Variants in TTLL5 observed in about 807,000 individuals in gnomAD.
TTLL5 encodes tubulin tyrosine ligase like 5.
A neutral mutation model predicts 168.4 loss-of-function variants in TTLL5; 132 were observed. The observed-to-expected ratio is 0.78, with a 90% CI of 0.68 to 0.91. The LOEUF (loss-of-function observed/expected upper bound fraction) is 0.91. Ranked by LOEUF, TTLL5 falls within the 40% of genes least tolerant of loss-of-function variation. The probability of loss-of-function intolerance (pLI) is 0.00; values close to 1 mark genes in which losing one functional copy is unlikely to be tolerated. For missense variants in TTLL5, 1,545 were observed against 1,581.5 expected (o/e 0.98, Z 0.39); for synonymous variants, 546 against 558.6 (o/e 0.98, Z 0.32).
intron 9 of TTLL5, among the ~76,000 whole-genome samples, chr14:75,717,545 A>G (rs960784063): frequency 1.1e-4 from 16 of 152,198 alleles, no homozygotes; most frequent in Admixed American, 9.8e-4. Flanking sequence ...AAGAGAAGCA[A>G]TGTCTTGTTG....
At chr14:75,838,398 G>GAA (rs527691658) in intron 28 of TTLL5, 4 of 139,110 alleles carry the variant, frequency 2.9e-5, no homozygotes, top group African/African-American at 5.3e-5. Flanking sequence ...ACTAAAAATA[G>GAA]AAAAAAAAAA....
intron 9 of TTLL5, chr14:75,711,913 CA>C (rs1222344229): frequency 6.6e-6 from 1 of 152,318 alleles, no homozygotes; most frequent in Non-Finnish European, 1.5e-5. Context: ...GATTACCTCA[CA>C]GGCTGCACAC....
intron 6 of TTLL5, among the ~76,000 whole-genome samples, chr14:75,695,760 G>A (rs1885795012): frequency 6.6e-6 from 1 of 151,892 alleles, no homozygotes; most frequent in African/African-American, 2.4e-5. Flanking sequence ...ACAAAGTAGA[G>A]GGTACTGTCT....
At chr14:75,743,363 A>G (rs1182175223) in intron 15 of TTLL5, among the ~76,000 whole-genome samples, 1 of 152,178 alleles carries the variant, frequency 6.6e-6, no homozygotes, top group Non-Finnish European at 1.5e-5. Context: ...ACAAAATGCC[A>G]TAGGCTGGGT....
intron 27 of TTLL5, 90 bp from the exon 28 acceptor site, chr14:75,819,917 T>C: frequency 7.1e-7 from 1 of 1,414,074 alleles, no homozygotes; most frequent in Non-Finnish European, 9.5e-7. Context: ...TCAGCATCTG[T>C]TGGCCTTGAC....
chr14:75,752,240 G>A (rs1393439773), intron 17 of TTLL5, among the ~76,000 whole-genome samples: 1 of 152,186 alleles, frequency 6.6e-6, no homozygotes, highest in Non-Finnish European at 1.5e-5. Flanking sequence ...GTAGGCCTCA[G>A]CCTCATTTTA....
chr14:75,792,897 C>G lies in TTLL5; in HGVS notation c.2987-19C>G. The G allele has an allele frequency of 6.6e-7, 1 of 1,514,860 alleles. No individual in the cohort carries two copies. Among genetic ancestry groups the G allele is most frequent in the Non-Finnish European group, 8.9e-7 (1 of 1,124,042 alleles). The allele number at this position is 1,514,860 out of a possible 1,614,324, so 93.8% of individuals were successfully genotyped here. On this transcript the variant is annotated intron_variant, in intron 26 of 31. Coordinates refer to ENST00000298832, the MANE Select transcript of TTLL5 (RefSeq NM_015072.5). The stretch of plus-strand genomic sequence containing the variant: ...CCTTTTTTTCCTAAATGAGTGAAAA[C>G]TTTTCTCCGTTTTAGCAGGATCGTG...
chr14:75,691,521 G>A (rs1566816076), intron 6 of TTLL5, among the ~76,000 whole-genome samples: 1 of 152,232 alleles, frequency 6.6e-6, no homozygotes, highest in Non-Finnish European at 1.5e-5. Flanking sequence ...CTTTCCATGA[G>A]TTATGCAGCT....
intron 28 of TTLL5, among the ~76,000 whole-genome samples, chr14:75,841,989 T>C (rs971632264): frequency 2.6e-5 from 4 of 152,258 alleles, no homozygotes; most frequent in Non-Finnish European, 5.9e-5. Context: ...TTTGAAAGTA[T>C]GAATGTGCCA....
At chr14:75,681,930 C>T (rs1253557994) in intron 4 of TTLL5, among the ~76,000 whole-genome samples, 2 of 151,992 alleles carry the variant, frequency 1.3e-5, no homozygotes, top group Non-Finnish European at 2.9e-5. Context: ...TGATTGCAGG[C>T]AACTGAACAG....
At chr14:75,854,702 A>C (rs574966893) in intron 28 of TTLL5, among the ~76,000 whole-genome samples, 1 of 152,202 alleles carries the variant, frequency 6.6e-6, no homozygotes, top group African/African-American at 2.4e-5. Flanking sequence ...GATTTTAGTC[A>C]TGTTAGTAGA....
chr14:75,940,679 T>TA (rs899884081), intron 31 of TTLL5, among the ~76,000 whole-genome samples: 15 of 152,210 alleles, frequency 9.9e-5, no homozygotes, highest in African/African-American at 3.6e-4. Flanking sequence ...TTAGGATACT[T>TA]ACTATCTAAA....
At chr14:75,852,952 A>G (rs1013890223) in intron 28 of TTLL5, among the ~76,000 whole-genome samples, 2 of 152,262 alleles carry the variant, frequency 1.3e-5, no homozygotes, top group African/African-American at 4.8e-5. Context: ...TTTATATCTA[A>G]GTGCAATTCA....
intron 30 of TTLL5, among the ~76,000 whole-genome samples, chr14:75,900,693 A>G (rs965464730): frequency 6.6e-6 from 1 of 152,014 alleles, no homozygotes; most frequent in Non-Finnish European, 1.5e-5. Context: ...GAGTCATTAT[A>G]TATGCAATTT....
chr14:75,895,955 T>C (rs762570785), intron 30 of TTLL5, among the ~76,000 whole-genome samples: 1 of 152,004 alleles, frequency 6.6e-6, no homozygotes, highest in Non-Finnish European at 1.5e-5. Flanking sequence ...CTGGAAAGAC[T>C]AATGAATAAA....
chr14:75,810,938 A>G (rs980754644), intron 27 of TTLL5, among the ~76,000 whole-genome samples: 3 of 151,858 alleles, frequency 2.0e-5, no homozygotes, highest in Non-Finnish European at 2.9e-5. Flanking sequence ...ACATCTCTCA[A>G]CTCTAGTCAC....
chr14:75,795,795 T>C (rs1892967900), intron 27 of TTLL5, among the ~76,000 whole-genome samples: 1 of 152,196 alleles, frequency 6.6e-6, no homozygotes, highest in South Asian at 2.1e-4. Flanking sequence ...ATGGTGTATA[T>C]ATATACACAC....
rs1453863316 is a variant in TTLL5 at position 75,807,033 on chromosome 14, A to G, written c.3172-12974A>G. On this transcript the variant is annotated intron_variant, in intron 27 of 31. Coordinates refer to ENST00000298832, the MANE Select transcript of TTLL5 (RefSeq NM_015072.5). Reference sequence around the variant, plus strand: ...TCTTTCCTGTTTTGCACTAAACTACATGATGCAGTTCTTTCTAACTCATCA... The same window carrying G: ...TCTTTCCTGTTTTGCACTAAACTACGTGATGCAGTTCTTTCTAACTCATCA... Among the ~76,000 whole-genome samples, 4 of 152,334 alleles carry G rather than the reference A, an allele frequency of 2.6e-5. No individual in the cohort carries two copies. In the East Asian group the frequency reaches 7.7e-4, roughly 29 times the overall value.
At chr14:75,727,859 G>T (rs780363238) in intron 12 of TTLL5, 1 of 501,414 alleles carries the variant, frequency 2.0e-6, no homozygotes, top group South Asian at 1.5e-5. Flanking sequence ...TCAGGGATGG[G>T]GGAAAGGGCA....
Sources: gnomAD v4.1 joint callset for allele counts (sites outside exome capture counted in the v4.1 genomes callset) on GRCh38, gnomAD v4.1.1 for gene constraint, MANE v1.5 for transcripts, NCBI Gene and HGNC (gene_info 2026-07-23, HGNC 2026-07-21) for gene names.